The following IPO4 variants were observed in gnomAD, a reference collection of about 807,000 sequenced individuals.
IPO4 encodes importin-4.
A neutral mutation model predicts 133.5 loss-of-function variants in IPO4; 91 were observed. The observed-to-expected ratio is 0.68, with a 90% CI of 0.58 to 0.81. IPO4 has a LOEUF of 0.81. Among genes scored for constraint, IPO4 ranks in the 30% least tolerant of loss-of-function variants. IPO4 has a pLI of 0.00. For synonymous variants in IPO4, 607 were observed against 581.6 expected, an observed-to-expected ratio of 1.04 and a Z score of -0.63; for missense variants, 1,279 against 1,386.2, an observed-to-expected ratio of 0.92 and a Z score of 1.23.
At position 24,187,683 on chromosome 14, in the gene IPO4, T is replaced by C. The variant is rs376248759; in HGVS notation, c.392A>G (p.His131Arg). The C allele has an allele frequency of 2.9e-5, 47 of 1,614,010 alleles. No individual in the cohort carries two copies. The highest frequency in any genetic ancestry group is 1.2e-5 in the Non-Finnish European group (14 of 1,180,000). Residue 131 changes from histidine to arginine, a missense_variant, in exon 5 of 30, where the codon CAC (histidine) becomes CGC (arginine). By Grantham distance (29) the His-to-Arg change is conservative. Coordinates refer to ENST00000354464, the MANE Select transcript of IPO4 (RefSeq NM_024658.4). ...QLLQHSTHSP[H>R]SPEREMGLLL... ...TGATGGTACCTCTCTCTCTGGGCTG[T>C]GGGGGCTGTGGGTACTGTGCTGAAG... is the stretch of plus-strand genomic sequence containing the variant.
Position 24,182,644 on chromosome 14 carries a change from G to C in IPO4, c.2472+148C>G, listed in dbSNP as rs1052982399. Reference sequence around the variant, plus strand: ...CCTTCCCTGAACTCCCACTGGCTTAGTGGGATCAGGGTTGTATCCCTCTGG... The same window carrying C: ...CCTTCCCTGAACTCCCACTGGCTTACTGGGATCAGGGTTGTATCCCTCTGG... On this transcript the variant is annotated intron_variant, in intron 24 of 29. Coordinates refer to ENST00000354464, the MANE Select transcript of IPO4 (RefSeq NM_024658.4). 8 of 1,033,044 alleles carry C rather than the reference G, an allele frequency of 7.7e-6. No homozygotes were observed. In the Admixed American group the frequency reaches 1.4e-4, roughly 18 times the overall value. 64.0% of individuals were successfully genotyped at this position (1,033,044 alleles called of 1,614,324 possible). A position where few individuals can be genotyped will look rare whatever the true frequency, so the allele number is the denominator to read the frequency against.
At chr14:24,181,377 A>G (rs746236235) in intron 28 of IPO4, 136 bp downstream of exon 28, 1 of 696,566 alleles carries the variant, frequency 1.4e-6, no homozygotes, top group Non-Finnish European at 2.5e-6. Flanking sequence ...AGGGAGTACC[A>G]AAAGAACAGC....
chr14:24,188,515 C>G, intron 2 of IPO4, 37 bp downstream of exon 2: 1 of 1,608,256 alleles, frequency 6.2e-7, no homozygotes, highest in Non-Finnish European at 8.5e-7. Context: ...CGGTGGCGTA[C>G]AGTGGGAAGC....
In IPO4 at chr14:24,187,441, T is replaced by G; in HGVS notation, c.547A>C (p.Thr183Pro). 6.2e-7 allele frequency: 1 copy of G among 1,613,384 alleles called. No individual in the cohort carries two copies. Among genetic ancestry groups the G allele is most frequent in the Non-Finnish European group, 8.5e-7 (1 of 1,179,874 alleles). The change falls in exon 6 of 30, where the codon ACT becomes CCT. Residue 183 changes from threonine (T) to proline (P), a missense_variant. Transcript: ENST00000354464. ...AGGTAGGGAGCCATGGTGGTCAGAG[T>G]GCGCAGGGAGTAGAAGAGCAGCCCA... ...SPGLLFYSLR[T>P]LTTMAPYLST...
chr14:24,181,924 C>G, intron 26 of IPO4, 31 bp downstream of exon 26: 1 of 1,608,678 alleles, frequency 6.2e-7, no homozygotes, highest in Non-Finnish European at 8.5e-7. Context: ...CCCCAACCTC[C>G]AGTCCCTCCC....
intron 29 of IPO4, 43 bp downstream of exon 29, chr14:24,180,646 T>C: frequency 6.2e-7 from 1 of 1,612,996 alleles, no homozygotes; most frequent in Non-Finnish European, 8.5e-7. Flanking sequence ...GCCCTGCCAC[T>C]CCCAGCCTCC....
chr14:24,180,310 G>A lies in IPO4; in HGVS notation c.*132C>T. Reference sequence around the variant, plus strand: ...CCAGCCTCAGGGACAGCCCTGTAAGGCAGCAAGTGGGGCTGGCTCCAAATG... The same window carrying A: ...CCAGCCTCAGGGACAGCCCTGTAAGACAGCAAGTGGGGCTGGCTCCAAATG... On this transcript the variant is annotated 3_prime_UTR_variant, in exon 30 of 30. Coordinates refer to ENST00000354464, the MANE Select transcript of IPO4 (RefSeq NM_024658.4). 1 of 1,503,630 alleles carries A rather than the reference G, an allele frequency of 6.7e-7. No individual in the cohort carries two copies. Among genetic ancestry groups the A allele is most frequent in the East Asian group, 2.4e-5 (1 of 41,030 alleles). The allele number at this position is 1,503,630 out of a possible 1,614,324, so 93.1% of individuals were successfully genotyped here.
chr14:24,180,556 C>T lies in IPO4; in HGVS notation c.3132G>A (p.Leu1044=). 2 of 1,614,146 alleles carry T rather than the reference C, an allele frequency of 1.2e-6. No individual in the cohort carries two copies. The highest frequency in any genetic ancestry group is 1.7e-6 in the Non-Finnish European group (2 of 1,179,980). Residue 1044 remains leucine, a synonymous_variant, in exon 30 of 30, where the codon CTG becomes CTA. Transcript: ENST00000354464. The part of the protein sequence containing the change: ...NKIPPDTKAA[L]LLLLTFLAKQ... ...TGGCCAGGAACGTCAGGAGCAGCAA[C>T]AGTGCGGCCTTGGTGTCTGGGTGGA...
rs1453515500 is a variant in IPO4, at chr14:24,180,936, GA to G, written c.3046-179del. Among the ~76,000 whole-genome samples the G allele has an allele frequency of 3.9e-5, 6 of 152,250 alleles. No homozygotes were observed. In the South Asian group the frequency reaches 8.3e-4, roughly 21 times the overall value. ...AGAACCAATGAAACTTGGTGCTAAT[GA>G]TTTTTTTTGGAGGGAATGGGGGATG... On this transcript the variant is annotated intron_variant, in intron 28 of 29. Transcript: ENST00000354464.
In IPO4 at chr14:24,183,496, T is replaced by A. The variant is rs2039172647; in HGVS notation, c.2081A>T (p.Tyr694Phe). 1 of 1,613,838 alleles carries A rather than the reference T, an allele frequency of 6.2e-7. No homozygotes were observed. The highest frequency in any genetic ancestry group is 2.2e-5 in the East Asian group (1 of 44,876). The part of the protein sequence containing the change: ...SVNTSVAFLP[Y>F]MESVFEEVFK... ...TACTTCTTCAAAGACACTTTCCATGTATGGAAGGAAGGCCACACTACAGAG... is the reference window on the plus strand; with the variant it reads ...TACTTCTTCAAAGACACTTTCCATGAATGGAAGGAAGGCCACACTACAGAG... Residue 694 changes from tyrosine to phenylalanine, a missense_variant, in exon 21 of 30, where the codon TAC becomes TTC. Transcript: ENST00000354464.
intron 6 of IPO4, 32 bp downstream of exon 6, chr14:24,187,368 G>C: frequency 6.2e-7 from 1 of 1,608,686 alleles, no homozygotes. Flanking sequence ...ATGAGGAAAG[G>C]GAGTCAAAGA....
At position 24,180,509 on chromosome 14, in the gene IPO4, T is replaced by C; in HGVS notation, c.3179A>G (p.Gln1060Arg). 9 of 1,614,016 alleles carry C rather than the reference T, an allele frequency of 5.6e-6. No homozygotes were observed. Among genetic ancestry groups the C allele is most frequent in the Non-Finnish European group, 7.6e-6 (9 of 1,179,974 alleles). Residue 1060 changes from glutamine to arginine, a missense_variant, in exon 30 of 30, where the codon CAA becomes CGA. Gln to Arg is a conservative substitution (Grantham distance 43). Around this residue, in one of 3 missense-constraint regions of IPO4, gnomAD observed 575 missense variants for 653.4 expected, o/e 0.88. Coordinates refer to ENST00000354464, the MANE Select transcript of IPO4 (RefSeq NM_024658.4). ...FLAKQHTDSF[Q>R]AALGSLPVDK... ...AACAGGCAGTGAGCCCAGAGCTGCT[T>C]GAAAGCTGTCGGTGTGCTGTTTGGC...
At position 24,183,089 on chromosome 14, in the gene IPO4, C is replaced by T. The variant is rs374939945; in HGVS notation, c.2308G>A (p.Ala770Thr). 4 of 1,613,746 alleles carry T rather than the reference C, an allele frequency of 2.5e-6. No individual in the cohort carries two copies. The highest frequency in any genetic ancestry group is 3.4e-6 in the Non-Finnish European group (4 of 1,180,030). The part of the protein sequence containing the change: ...NRERERQVVM[A>T]VLEALTGVLR... ...ACCCCTGTCAGGGCCTCCAGCACGG[C>T]CATCACCACCTGGCGTTCCCGCTCC... The change falls in exon 23 of 30, where the codon GCC becomes ACC. Residue 770 changes from alanine to threonine, a missense_variant. This residue lies in a region of IPO4 where 575 missense variants were observed against 653.4 expected (regional missense o/e 0.88). Coordinates refer to ENST00000354464, the MANE Select transcript of IPO4 (RefSeq NM_024658.4).
At chr14:24,186,612 T>G (rs1266753472) in intron 9 of IPO4, 96 bp downstream of exon 9, 2 of 1,362,126 alleles carry the variant, frequency 1.5e-6, no homozygotes, top group African/African-American at 1.4e-5. Context: ...ACCCCCACAG[T>G]ACTTTAGATA....
chr14:24,186,756 G>C lies in IPO4; in HGVS notation c.792C>G (p.Arg264=), dbSNP rs532862486. Reference sequence around the variant, plus strand: ...AAGTGAGGCAGCAGAGAATACGTATGCGTATCGCATTGCCCAGGGCCACAT... The same window carrying C: ...AAGTGAGGCAGCAGAGAATACGTATCCGTATCGCATTGCCCAGGGCCACAT... ...ARNVALGNAI[R]IRILCCLTFL... The change falls in exon 9 of 30, where the codon CGC becomes CGG. Residue 264 remains arginine, a synonymous_variant. Coordinates refer to ENST00000354464, the MANE Select transcript of IPO4 (RefSeq NM_024658.4). The C allele has an allele frequency of 3.1e-6, 5 of 1,614,190 alleles. No individual in the cohort carries two copies. In the South Asian group the frequency reaches 4.4e-5, roughly 14 times the overall value.
Position 24,185,846 on chromosome 14 carries a change from C to A in IPO4, c.1169+15G>T. ...CCTGTGGGCAACCCTCACCCTGGGA[C>A]AGGGGAATACATACCTCTGCCTGAT... On this transcript the variant is annotated intron_variant, in intron 12 of 29. Coordinates refer to ENST00000354464, the MANE Select transcript of IPO4 (RefSeq NM_024658.4). The A allele has an allele frequency of 6.2e-7, 1 of 1,600,534 alleles. No homozygotes were observed. Among genetic ancestry groups the A allele is most frequent in the Non-Finnish European group, 8.6e-7 (1 of 1,168,362 alleles).
chr14:24,180,527 T>C lies in IPO4; in HGVS notation c.3161A>G (p.Gln1054Arg). 2 of 1,614,118 alleles carry C rather than the reference T, an allele frequency of 1.2e-6. No individual in the cohort carries two copies. Among genetic ancestry groups the C allele is most frequent in the Non-Finnish European group, 1.7e-6 (2 of 1,180,000 alleles). Residue 1054 changes from glutamine to arginine, a missense_variant, in exon 30 of 30, where the codon CAG becomes CGG. Transcript: ENST00000354464. ...LLLLLTFLAK[Q>R]HTDSFQAALG... ...AGCTGCTTGAAAGCTGTCGGTGTGC[T>C]GTTTGGCCAGGAACGTCAGGAGCAG...
rs766020120 is a variant in IPO4 at position 24,183,441 on chromosome 14, C to G, written c.2121+15G>C. 1 of 1,606,306 alleles carries G rather than the reference C, an allele frequency of 6.2e-7. No homozygotes were observed. The highest frequency in any genetic ancestry group is 8.5e-7 in the Non-Finnish European group (1 of 1,175,800). On this transcript the variant is annotated intron_variant, in intron 21 of 29. Transcript: ENST00000354464. The stretch of plus-strand genomic sequence containing the variant: ...GCCTGAGAACCCCACCCACTCCACC[C>G]GCCGGCCCGCTCACCTCCAGCAGTT...
Position 24,183,088 on chromosome 14 carries a change from G to A in IPO4, c.2309C>T (p.Ala770Val), listed in dbSNP as rs1281588808. ...NRERERQVVM[A>V]VLEALTGVLR... The stretch of plus-strand genomic sequence containing the variant: ...CACCCCTGTCAGGGCCTCCAGCACG[G>A]CCATCACCACCTGGCGTTCCCGCTC... Residue 770 changes from alanine to valine, a missense_variant, in exon 23 of 30, where the codon GCC (alanine) becomes GTC (valine). Coordinates refer to ENST00000354464, the MANE Select transcript of IPO4 (RefSeq NM_024658.4). 1 of 1,613,806 alleles carries A rather than the reference G, an allele frequency of 6.2e-7. No individual in the cohort carries two copies. Among genetic ancestry groups the A allele is most frequent in the Non-Finnish European group, 8.5e-7 (1 of 1,180,004 alleles).
Sources: allele counts gnomAD v4.1 joint callset (sites outside exome capture counted in the v4.1 genomes callset), GRCh38; gene constraint gnomAD v4.1.1; regional missense constraint gnomAD v4.1.1; transcripts MANE v1.5; gene names NCBI Gene and HGNC (gene_info 2026-07-23, HGNC 2026-07-21).